Variants in XPO6 observed in about 807,000 individuals in gnomAD.
XPO6 encodes the protein exportin 6.
In XPO6, 3 loss-of-function variants were observed where a neutral mutation model predicts 130.0. That is an observed-to-expected ratio of 0.02 (90% confidence interval 0.01 to 0.06). XPO6 has a LOEUF of 0.06. XPO6 is among the 10% of genes least tolerant of loss of function. The pLI, the probability that XPO6 is intolerant of heterozygous loss-of-function variation, is 1.00. For synonymous variants in XPO6, 524 were observed against 548.9 expected (o/e 0.95, Z 0.63); for missense variants, 970 against 1,393.0 (o/e 0.70, Z 4.83).
rs886908041 is a variant in XPO6 at position 28,174,172 on chromosome 16, C to T, written c.405+1726G>A. Among the ~76,000 whole-genome samples, 4 of 152,156 alleles carry T rather than the reference C, an allele frequency of 2.6e-5. No homozygotes were observed. The South Asian group carries it at 8.3e-4, about 32-fold the overall frequency. On this transcript the variant is annotated intron_variant, in intron 4 of 23. Coordinates refer to ENST00000304658, the MANE Select transcript of XPO6 (RefSeq NM_015171.4). ...AAGTGTCTCCCACCTCGTGTCCCCC[C>T]AGTCCAGGCCTACTGGCCTGCTTGC... is the stretch of plus-strand genomic sequence containing the variant.
chr16:28,142,095 C>G (rs755997005), intron 9 of XPO6, among the ~76,000 whole-genome samples: 12 of 152,230 alleles, frequency 7.9e-5, no homozygotes, highest in Admixed American at 5.2e-4. Flanking sequence ...ATGAGTGCTG[C>G]CTTTGTGACT....
intron 1 of XPO6, among the ~76,000 whole-genome samples, chr16:28,206,361 C>T (rs1348788622): frequency 6.6e-6 from 1 of 151,884 alleles, no homozygotes; most frequent in African/African-American, 2.4e-5. Context: ...GACAACATAG[C>T]AATCCCCACT....
At chr16:28,204,907 G>A (rs1291328166) in intron 1 of XPO6, among the ~76,000 whole-genome samples, 2 of 152,136 alleles carry the variant, frequency 1.3e-5, no homozygotes, top group African/African-American at 2.4e-5. Context: ...GAGATTAAGA[G>A]AGAATAATGC....
intron 5 of XPO6, 134 bp downstream of exon 5, chr16:28,169,616 G>C: frequency 8.9e-7 from 1 of 1,118,318 alleles, no homozygotes; most frequent in Non-Finnish European, 1.3e-6. Context: ...TATAGGTGTT[G>C]GGAACGCAGC....
At chr16:28,109,805 A>G (rs28473747) in intron 17 of XPO6, among the ~76,000 whole-genome samples, 151,764 of 152,382 alleles carry the variant, frequency 1, 75,583 homozygotes, top group Middle Eastern at 1. Flanking sequence ...AAGTGTTAAT[A>G]TGGCTACATT....
chr16:28,156,614 A>T, intron 6 of XPO6, 87 bp from the exon 7 acceptor site: 1 of 829,248 alleles, frequency 1.2e-6, no homozygotes, highest in Non-Finnish European at 1.8e-6. Flanking sequence ...AAATATATAT[A>T]TATATGTATA....
intron 1 of XPO6, among the ~76,000 whole-genome samples, chr16:28,191,349 T>A (rs1295435927): frequency 1.3e-5 from 2 of 152,180 alleles, no homozygotes; most frequent in Non-Finnish European, 1.5e-5. Context: ...AAGTAAGTAA[T>A]ACAGCCAAGA....
chr16:28,203,679 C>T (rs1001093818), intron 1 of XPO6, among the ~76,000 whole-genome samples: 1 of 152,176 alleles, frequency 6.6e-6, no homozygotes, highest in East Asian at 1.9e-4. Flanking sequence ...TACTCTCAAT[C>T]GCCAGGTTAC....
At chr16:28,128,005 C>A (rs33041) in intron 12 of XPO6, among the ~76,000 whole-genome samples, 8,896 of 152,196 alleles carry the variant, frequency 0.058, 655 homozygotes, top group East Asian at 0.17. Context: ...GACCATCCCA[C>A]CCAGCCAGAC....
chr16:28,166,440 C>A, intron 6 of XPO6, 68 bp downstream of exon 6: 1 of 1,522,342 alleles, frequency 6.6e-7, no homozygotes, highest in South Asian at 1.2e-5. Context: ...ACTACAGTTG[C>A]AAATCACCAC....
intron 20 of XPO6, among the ~76,000 whole-genome samples, chr16:28,105,034 C>A (rs205360): frequency 0.57 from 87,395 of 152,162 alleles, 27,483 homozygotes; most frequent in South Asian, 0.72. Context: ...TAGAAAAAAG[C>A]TACCAAGTGG....
chr16:28,110,057 T>C (rs2086880842), intron 17 of XPO6, among the ~76,000 whole-genome samples: 1 of 151,982 alleles, frequency 6.6e-6, no homozygotes, highest in Non-Finnish European at 1.5e-5. Flanking sequence ...TTTTTTTTTT[T>C]CAAAGTATAA....
intron 1 of XPO6, among the ~76,000 whole-genome samples, chr16:28,193,978 G>A (rs900129599): frequency 1.3e-5 from 2 of 152,084 alleles, no homozygotes; most frequent in African/African-American, 4.8e-5. Flanking sequence ...TGAACTGAAG[G>A]GTGTGGGCTG....
intron 13 of XPO6, among the ~76,000 whole-genome samples, 156 bp from the exon 14 acceptor site, chr16:28,121,918 A>T (rs1047929157): frequency 6.6e-6 from 1 of 152,230 alleles, no homozygotes; most frequent in African/African-American, 2.4e-5. Flanking sequence ...CAAGGAAATA[A>T]TCTGAGATAT....
chr16:28,133,015 C>G (rs2042704008), intron 11 of XPO6, among the ~76,000 whole-genome samples: 1 of 152,176 alleles, frequency 6.6e-6, no homozygotes, highest in Non-Finnish European at 1.5e-5. Context: ...GGAGAGAACA[C>G]AAGTATAGCT....
At position 28,125,802 on chromosome 16, in the gene XPO6, G is replaced by A. The variant is rs767828738; in HGVS notation, c.1653C>T (p.His551=). ...GGGAGCTCAAGTCTCTCAGGGAGCA[G>A]TGCAGCCGCCGGCAGTCGTTCTCCG... ...ITAENDCRRL[H]CSLRDLSSLL... is the part of the protein sequence containing the mutation. Residue 551 remains histidine (H), a synonymous_variant, in exon 13 of 24, where the codon CAC becomes CAT. Coordinates refer to ENST00000304658, the MANE Select transcript of XPO6 (RefSeq NM_015171.4). The A allele has an allele frequency of 1.2e-6, 2 of 1,614,202 alleles. No individual in the cohort carries two copies. The highest frequency in any genetic ancestry group is 1.7e-5 in the Admixed American group (1 of 60,028).
chr16:28,138,330 A>G (rs1394341751), intron 9 of XPO6, among the ~76,000 whole-genome samples: 2 of 152,196 alleles, frequency 1.3e-5, no homozygotes, highest in Non-Finnish European at 1.5e-5. Flanking sequence ...TCTACTTCAG[A>G]CCAGAGGACA....
At chr16:28,203,703 C>T (rs1404637629) in intron 1 of XPO6, among the ~76,000 whole-genome samples, 1 of 152,190 alleles carries the variant, frequency 6.6e-6, no homozygotes, top group African/African-American at 2.4e-5. Context: ...CTTCCAAAAT[C>T]AGCTTGTGCT....
At position 28,211,249 on chromosome 16, in the gene XPO6, T is replaced by G. The variant is rs546534198; in HGVS notation, c.3+117A>C. On this transcript the variant is annotated intron_variant, in intron 1 of 23. Coordinates refer to ENST00000304658, the MANE Select transcript of XPO6 (RefSeq NM_015171.4). The stretch of plus-strand genomic sequence containing the variant: ...TGCACGCATGTGTCACCGGCCAGGC[T>G]CCGCACGCGCCTCTCCCCGCCATGG... 178 of 1,116,092 alleles carry G rather than the reference T, an allele frequency of 1.6e-4. No individual in the cohort carries two copies. The African/African-American group carries it at 2.6e-3, about 17-fold the overall frequency. 69.1% of individuals were successfully genotyped at this position (1,116,092 alleles called of 1,614,324 possible). A position where few individuals can be genotyped will look rare whatever the true frequency, so the allele number is the denominator to read the frequency against.
Sources: gnomAD v4.1 joint callset for allele counts (sites outside exome capture counted in the v4.1 genomes callset) on GRCh38, gnomAD v4.1.1 for gene constraint, MANE v1.5 for transcripts, NCBI Gene and HGNC (gene_info 2026-07-23, HGNC 2026-07-21) for gene names.